Variants in RPTOR observed in about 807,000 individuals in gnomAD.
The protein encoded by RPTOR is regulatory-associated protein of mTOR.
RPTOR carries 21 observed loss-of-function variants against 169.9 expected under a neutral mutation model. The ratio of observed to expected loss-of-function variants is 0.12; its 90% CI spans 0.09 to 0.18. The LOEUF (loss-of-function observed/expected upper bound fraction) is 0.18, where lower values mean the gene tolerates loss of function less well. Among genes scored for constraint, RPTOR ranks in the 10% least tolerant of loss-of-function variants. The pLI is 1.00. For missense variants in RPTOR, 1,133 were observed against 1,855.9 expected (o/e 0.61, Z 7.16); for synonymous variants, 732 against 753.2 (o/e 0.97, Z 0.46).
intron 17 of RPTOR, among the ~76,000 whole-genome samples, 192 bp from the exon 18 acceptor site, chr17:80,891,528 C>T (rs1206300313): frequency 2.6e-5 from 4 of 152,248 alleles, no homozygotes; most frequent in Admixed American, 2.0e-4. Context: ...AGTGGCCTGC[C>T]GTCTCCCAGC....
At chr17:80,902,685 G>A (rs1007791297) in intron 20 of RPTOR, among the ~76,000 whole-genome samples, 2 of 152,232 alleles carry the variant, frequency 1.3e-5, no homozygotes, top group African/African-American at 4.8e-5. Flanking sequence ...TCTGTGGCCT[G>A]TGTCCACATG....
intron 7 of RPTOR, among the ~76,000 whole-genome samples, chr17:80,791,801 G>A (rs187183336): frequency 1.1e-4 from 17 of 152,226 alleles, no homozygotes; most frequent in Admixed American, 8.5e-4. Context: ...ATACCACTTC[G>A]CATACAAATC....
intron 4 of RPTOR, among the ~76,000 whole-genome samples, chr17:80,709,772 C>T (rs191514907): frequency 1.6e-4 from 25 of 152,268 alleles, no homozygotes; most frequent in Non-Finnish European, 2.2e-4. Context: ...TAAGATCGCG[C>T]ACCCTGTGTC....
chr17:80,589,404 A>C (rs1350265509), intron 1 of RPTOR, among the ~76,000 whole-genome samples: 1 of 152,010 alleles, frequency 6.6e-6, no homozygotes, highest in Non-Finnish European at 1.5e-5. Flanking sequence ...CCCCATTTGG[A>C]TCCTCCAGAG....
rs2069319443 is a variant in RPTOR at position 80,960,296 on chromosome 17, G to A, written c.3605+91G>A. ...GTCACTGCCATTTGGTTGGGTCCAG[G>A]TTTCTCAGTGAGATGCAAAGCTTCC... On this transcript the variant is annotated intron_variant, in intron 30 of 33. Transcript: ENST00000306801. The surrounding 1 kb of genome is among the most constrained non-coding windows in gnomAD (Gnocchi z 4.8). The A allele has an allele frequency of 2.0e-6, 3 of 1,537,514 alleles. No homozygotes were observed. In the East Asian group the frequency reaches 6.8e-5, roughly 35 times the overall value.
chr17:80,772,907 CA>C (rs1233173791), intron 6 of RPTOR, among the ~76,000 whole-genome samples: 1 of 152,128 alleles, frequency 6.6e-6, no homozygotes, highest in Non-Finnish European at 1.5e-5. Flanking sequence ...TGGGGCTGTA[CA>C]GGGGCAGAGC....
At chr17:80,825,831 A>C (rs973188050) in intron 9 of RPTOR, among the ~76,000 whole-genome samples, 1 of 152,066 alleles carries the variant, frequency 6.6e-6, no homozygotes, top group African/African-American at 2.4e-5. Flanking sequence ...TCATCCCACC[A>C]CAAGCAGCCT....
rs546018084 is a variant in RPTOR, at chr17:80,899,405, T to G, written c.2401+5540T>G. On this transcript the variant is annotated intron_variant, in intron 20 of 33. Coordinates refer to ENST00000306801, the MANE Select transcript of RPTOR (RefSeq NM_020761.3). ...TAAATCTACAATGAAAAAAGGTATT[T>G]AAAAATTTTTTTTTAAGTACTAGAA... 3.9e-3 allele frequency among the ~76,000 whole-genome samples: 596 copies of G among 152,376 alleles called. 3 individuals are homozygous for G. Among genetic ancestry groups the G allele is most frequent in the Middle Eastern group, 6.8e-3 (2 of 294 alleles).
At position 80,726,990 on chromosome 17, in the gene RPTOR, G is replaced by A. The variant is rs2066340946; in HGVS notation, c.508-3570G>A. On this transcript the variant is annotated intron_variant, in intron 4 of 33. Coordinates refer to ENST00000306801, the MANE Select transcript of RPTOR (RefSeq NM_020761.3). The surrounding 1 kb of genome is among the most constrained non-coding windows in gnomAD (Gnocchi z 4.5). The stretch of plus-strand genomic sequence containing the variant: ...CTGTGAGCGCAGCCTGCAAGCTCCG[G>A]CTCCAGGAGGAAGCGTGCTCAAGTG... 1.3e-5 allele frequency among the ~76,000 whole-genome samples: 2 copies of A among 152,142 alleles called. 1 individual carries two copies. The highest frequency in any genetic ancestry group is 4.1e-4 in the South Asian group (2 of 4,826).
intron 4 of RPTOR, among the ~76,000 whole-genome samples, chr17:80,724,186 T>C (rs1398696982): frequency 6.6e-6 from 1 of 151,064 alleles, no homozygotes; most frequent in East Asian, 1.9e-4. Flanking sequence ...GAGAGGTGAA[T>C]ACAAATGTGG....
chr17:80,655,702 G>T (rs2065674542), intron 3 of RPTOR, among the ~76,000 whole-genome samples: 1 of 152,056 alleles, frequency 6.6e-6, no homozygotes, highest in African/African-American at 2.4e-5. Context: ...AGCCTCAGGA[G>T]TATGTAGGAC....
intron 3 of RPTOR, among the ~76,000 whole-genome samples, chr17:80,644,964 T>G (rs1019256864): frequency 6.6e-6 from 1 of 152,232 alleles, no homozygotes; most frequent in Non-Finnish European, 1.5e-5. Flanking sequence ...GGTTCTTGAC[T>G]GATGCCTAAT....
At chr17:80,933,220 T>C (rs2068918945) in intron 24 of RPTOR, among the ~76,000 whole-genome samples, 1 of 152,216 alleles carries the variant, frequency 6.6e-6, no homozygotes. Context: ...TGATCCTGAA[T>C]ATTGAAAATC....
intron 13 of RPTOR, among the ~76,000 whole-genome samples, 178 bp from the exon 14 acceptor site, chr17:80,880,237 G>A (rs1296466314): frequency 6.6e-6 from 1 of 152,218 alleles, no homozygotes. Context: ...TCTTAGCCAA[G>A]GAAAGCATGT....
At position 80,796,295 on chromosome 17, in the gene RPTOR, G is replaced by A. The variant is rs144476907; in HGVS notation, c.890+4786G>A. 7.2e-5 allele frequency among the ~76,000 whole-genome samples: 11 copies of A among 152,360 alleles called. No homozygotes were observed. The East Asian group carries it at 2.1e-3, about 29-fold the overall frequency. On this transcript the variant is annotated intron_variant, in intron 7 of 33. Coordinates refer to ENST00000306801, the MANE Select transcript of RPTOR (RefSeq NM_020761.3). ...TGCAAGCTGCGGAGCAAGGAAGCCAGTCTGACTCCCAAAGCTGAAGAACTT... is the reference window on the plus strand; with the variant it reads ...TGCAAGCTGCGGAGCAAGGAAGCCAATCTGACTCCCAAAGCTGAAGAACTT...
chr17:80,573,674 G>T (rs2064931178), intron 1 of RPTOR, among the ~76,000 whole-genome samples: 1 of 152,178 alleles, frequency 6.6e-6, no homozygotes, highest in South Asian at 2.1e-4. Flanking sequence ...ACAGCTTCCT[G>T]CCCCCTTGAT....
Position 80,885,019 on chromosome 17 carries a change from A to C in RPTOR, c.1854A>C (p.Ala618=). 6.2e-7 allele frequency: 1 copy of C among 1,609,502 alleles called. No individual in the cohort carries two copies. The highest frequency in any genetic ancestry group is 1.1e-5 in the South Asian group (1 of 89,712). ...LSDPIPEVRC[A]AVFALGTFVG... ...CCGCCGCCTTGCAGGTCCGCTGCGCAGCGGTCTTCGCCCTTGGCACGTTCG... is the reference window on the plus strand; with the variant it reads ...CCGCCGCCTTGCAGGTCCGCTGCGCCGCGGTCTTCGCCCTTGGCACGTTCG... Residue 618 remains alanine, a synonymous_variant, in exon 17 of 34, where the codon GCA becomes GCC. Coordinates refer to ENST00000306801, the MANE Select transcript of RPTOR (RefSeq NM_020761.3).
At chr17:80,658,554 C>G (rs2065697258) in intron 3 of RPTOR, among the ~76,000 whole-genome samples, 1 of 152,162 alleles carries the variant, frequency 6.6e-6, no homozygotes, top group Admixed American at 6.5e-5. Flanking sequence ...TAGCTGTGGA[C>G]TACTTCATAT....
chr17:80,864,612 C>A (rs1454303734), intron 13 of RPTOR, among the ~76,000 whole-genome samples: 4 of 151,694 alleles, frequency 2.6e-5, no homozygotes, highest in African/African-American at 4.9e-5. Context: ...GAAAGCTTAT[C>A]CCCGGCAGAT....
Sources: allele counts gnomAD v4.1 joint callset (sites outside exome capture counted in the v4.1 genomes callset), GRCh38; gene constraint gnomAD v4.1.1; non-coding constraint Gnocchi (gnomAD v3.1); transcripts MANE v1.5; gene names NCBI Gene and HGNC (gene_info 2026-07-23, HGNC 2026-07-21).